Variants in SLC26A5 observed in about 807,000 individuals in gnomAD.
The protein encoded by SLC26A5 is solute carrier family 26 member 5, also known as prestin.
A neutral mutation model predicts 81.0 loss-of-function variants in SLC26A5; 51 were observed. That is an observed-to-expected ratio of 0.63 (90% CI 0.50 to 0.80). The LOEUF (loss-of-function observed/expected upper bound fraction) is 0.80, where lower values mean the gene tolerates loss of function less well. Ranked by LOEUF, SLC26A5 falls within the 30% of genes least tolerant of loss-of-function variation. The pLI, the probability that SLC26A5 is intolerant of heterozygous loss-of-function variation, is 0.00. For missense variants in SLC26A5, 771 were observed against 905.8 expected, an observed-to-expected ratio of 0.85 and a Z score of 1.91; for synonymous variants, 325 against 332.8, an observed-to-expected ratio of 0.98 and a Z score of 0.25.
At chr7:103,362,438 A>G in intron 19 of SLC26A5, 1 of 1,359,130 alleles carries the variant, frequency 7.4e-7, no homozygotes. Context: ...CAACTCACTT[A>G]GTAAATTAAA....
intron 19 of SLC26A5, chr7:103,362,161 G>A (rs946343325): frequency 2.0e-5 from 32 of 1,587,582 alleles, no homozygotes; most frequent in Non-Finnish European, 2.7e-5. Flanking sequence ...CCTTGGCTTT[G>A]TAGTGAATAA....
intron 2 of SLC26A5, among the ~76,000 whole-genome samples, chr7:103,438,653 A>G (rs1450061012): frequency 6.6e-6 from 1 of 152,170 alleles, no homozygotes; most frequent in Non-Finnish European, 1.5e-5. Context: ...GTGCCCAGCT[A>G]TATTGAGATT....
chr7:103,384,649 A>G (rs1426265331), intron 14 of SLC26A5, among the ~76,000 whole-genome samples: 2 of 151,984 alleles, frequency 1.3e-5, no homozygotes, highest in Non-Finnish European at 2.9e-5. Flanking sequence ...CAGCTTCTGG[A>G]TTTGCAAAAA....
At chr7:103,388,020 T>C (rs924346800) in intron 14 of SLC26A5, among the ~76,000 whole-genome samples, 1 of 152,060 alleles carries the variant, frequency 6.6e-6, no homozygotes, top group African/African-American at 2.4e-5. Flanking sequence ...CCTTTTCATC[T>C]TTATGGTGAT....
chr7:103,363,318 G>A, intron 19 of SLC26A5: 2 of 1,561,318 alleles, frequency 1.3e-6, no homozygotes, highest in Non-Finnish European at 1.8e-6. Context: ...GTGACTGTAT[G>A]TTGTACATTT....
chr7:103,378,909 A>T (rs1821564055), intron 16 of SLC26A5, among the ~76,000 whole-genome samples: 1 of 152,180 alleles, frequency 6.6e-6, no homozygotes, highest in African/African-American at 2.4e-5. Flanking sequence ...ACATGACCAA[A>T]GGAATCTACA....
At chr7:103,372,286 C>G (rs6942876), downstream of SLC26A5, among the ~76,000 whole-genome samples, 15,780 of 152,200 alleles carry the variant, frequency 0.1, 1,499 homozygotes, top group African/African-American at 0.26. Context: ...GAGTTAACAT[C>G]AACACATACA....
rs575711591 is a variant in SLC26A5, at chr7:103,442,610, C to T, written c.-54+473G>A. Among the ~76,000 whole-genome samples the T allele has an allele frequency of 5.9e-5, 9 of 152,300 alleles. No homozygotes were observed. The South Asian group carries it at 6.2e-4, about 11-fold the overall frequency. Reference sequence around the variant, plus strand: ...AATAAACTCCCAGGCAATGCAAATGCAATGGAATTATACATTGGTTGCTGA... The same window carrying T: ...AATAAACTCCCAGGCAATGCAAATGTAATGGAATTATACATTGGTTGCTGA... On this transcript the variant is annotated intron_variant, in intron 2 of 19. Transcript: ENST00000306312.
chr7:103,444,223 G>A (rs891453030), intron 1 of SLC26A5, among the ~76,000 whole-genome samples: 1 of 152,120 alleles, frequency 6.6e-6, no homozygotes, highest in Non-Finnish European at 1.5e-5. Context: ...TTTTGTGCAA[G>A]ATTTCACTAG....
intron 19 of SLC26A5, among the ~76,000 whole-genome samples, chr7:103,357,344 A>G (rs1316463499): frequency 1.3e-5 from 2 of 150,826 alleles, no homozygotes; most frequent in African/African-American, 2.4e-5. Flanking sequence ...AAAAAAAAAG[A>G]AAAGAGTTAA....
At chr7:103,391,130 T>C (rs1267428622) in intron 11 of SLC26A5, among the ~76,000 whole-genome samples, 2 of 152,220 alleles carry the variant, frequency 1.3e-5, no homozygotes, top group Admixed American at 6.5e-5. Context: ...CCCAGAGTGC[T>C]GCGATTACAG....
chr7:103,354,929 A>G (rs1819947311), intron 19 of SLC26A5: 6 of 1,611,040 alleles, frequency 3.7e-6, no homozygotes, highest in Non-Finnish European at 5.1e-6. Flanking sequence ...CAACTTCTCA[A>G]GAAAATTAAT....
intron 14 of SLC26A5, among the ~76,000 whole-genome samples, chr7:103,380,994 T>C (rs1300439391): frequency 1.3e-5 from 2 of 150,274 alleles, no homozygotes; most frequent in Non-Finnish European, 3.0e-5. Flanking sequence ...GCACAATACA[T>C]ACCCCCACAC....
Position 103,362,271 on chromosome 7 carries a change from G to A in SLC26A5, c.2042-9345C>T, listed in dbSNP as rs954972816. On this transcript the variant is annotated intron_variant, in intron 19 of 19. Transcript: ENST00000339444. Reference sequence around the variant, plus strand: ...TGCTTCCTAACTTCCCATCGGCTTCGCTGACTCCCCTACTCCCACTGTTGT... The same window carrying A: ...TGCTTCCTAACTTCCCATCGGCTTCACTGACTCCCCTACTCCCACTGTTGT... 17 of 1,412,124 alleles carry A rather than the reference G, an allele frequency of 1.2e-5. No homozygotes were observed. In the South Asian group the frequency reaches 1.9e-4, roughly 16 times the overall value. The allele number at this position is 1,412,124 out of a possible 1,614,324, so 87.5% of individuals were successfully genotyped here. A position where few individuals can be genotyped will look rare whatever the true frequency, so the allele number is the denominator to read the frequency against.
intron 4 of SLC26A5, among the ~76,000 whole-genome samples, chr7:103,415,028 A>T (rs768880016): frequency 6.6e-6 from 1 of 152,206 alleles, no homozygotes; most frequent in Non-Finnish European, 1.5e-5. Flanking sequence ...ATTGACTGGC[A>T]TCCCTCTTCA....
intron 16 of SLC26A5, 48 bp downstream of exon 16, chr7:103,379,195 C>A: frequency 7.5e-7 from 1 of 1,339,860 alleles, no homozygotes; most frequent in South Asian, 1.2e-5. Context: ...ATATCCCTGT[C>A]AACCCACAAA....
intron 10 of SLC26A5, among the ~76,000 whole-genome samples, chr7:103,392,632 C>T (rs754957148): frequency 3.3e-5 from 5 of 152,148 alleles, no homozygotes; most frequent in Non-Finnish European, 5.9e-5. Context: ...GGCTGGAGTG[C>T]AGCGGCGCGA....
chr7:103,353,784 A>G (rs1047742583), intron 19 of SLC26A5: 2 of 723,640 alleles, frequency 2.8e-6, no homozygotes, highest in African/African-American at 1.8e-5. Flanking sequence ...TTGAATATGT[A>G]TCATCATAAT....
At chr7:103,433,044 C>T (rs1826191773) in intron 2 of SLC26A5, among the ~76,000 whole-genome samples, 1 of 152,094 alleles carries the variant, frequency 6.6e-6, no homozygotes. Context: ...ACAAGACTTC[C>T]TTGTTTCCCT....
Sources: gnomAD v4.1 joint callset for allele counts (sites outside exome capture counted in the v4.1 genomes callset) on GRCh38, gnomAD v4.1.1 for gene constraint, MANE v1.5 for transcripts, NCBI Gene and HGNC (gene_info 2026-07-23, HGNC 2026-07-21) for gene names.